FAM184A: variants seen among roughly 807,000 people sequenced by gnomAD.
FAM184A encodes family with sequence similarity 184 member A.
FAM184A carries 99 observed loss-of-function variants against 143.8 expected under a neutral mutation model. That is an observed-to-expected ratio of 0.69 (90% CI 0.58 to 0.81). The LOEUF (loss-of-function observed/expected upper bound fraction) is 0.81, where lower values mean the gene tolerates loss of function less well. Ranked by LOEUF, FAM184A falls within the 40% of genes least tolerant of loss-of-function variation. The probability of loss-of-function intolerance (pLI) is 0.00; values close to 1 mark genes in which losing one functional copy is unlikely to be tolerated. For missense variants in FAM184A, 1,217 were observed against 1,310.5 expected (o/e 0.93, Z 1.10); for synonymous variants, 427 against 446.4 (o/e 0.96, Z 0.55).
At chr6:119,008,488 GA>G (rs953315404) in intron 6 of FAM184A, among the ~76,000 whole-genome samples, 5 of 152,152 alleles carry the variant, frequency 3.3e-5, no homozygotes, top group African/African-American at 1.2e-4. Flanking sequence ...AAGAGAAAAA[GA>G]AAAGCTGGGT....
Position 119,003,093 on chromosome 6 carries a change from C to A in FAM184A, c.1938-44G>T, listed in dbSNP as rs772103427. 3.3e-6 allele frequency: 5 copies of A among 1,517,756 alleles called. No individual in the cohort carries two copies. In the African/African-American group the frequency reaches 5.6e-5, roughly 17 times the overall value. The allele number at this position is 1,517,756 out of a possible 1,614,324, so 94.0% of individuals were successfully genotyped here. ...ATTTACTTTGTAAAGAGAATTATTCCTTTCACTGACTGTAATAGAGTCTAC... is the reference window on the plus strand; with the variant it reads ...ATTTACTTTGTAAAGAGAATTATTCATTTCACTGACTGTAATAGAGTCTAC... On this transcript the variant is annotated intron_variant, in intron 8 of 17. Coordinates refer to ENST00000338891, the MANE Select transcript of FAM184A (RefSeq NM_024581.6).
intron 9 of FAM184A, among the ~76,000 whole-genome samples, chr6:118,997,368 G>A (rs7771525): frequency 0.13 from 19,400 of 149,886 alleles, 1,459 homozygotes; most frequent in Non-Finnish European, 0.17. Context: ...TACATTTCTT[G>A]CTAACATAAT....
At chr6:119,086,832 C>T (rs1392431648) in intron 1 of FAM184A, among the ~76,000 whole-genome samples, 2 of 152,122 alleles carry the variant, frequency 1.3e-5, no homozygotes, top group African/African-American at 4.8e-5. Flanking sequence ...AACAAGGAGA[C>T]TAGTTAGCAG....
intron 5 of FAM184A, among the ~76,000 whole-genome samples, chr6:119,015,887 CA>C (rs1450265724): frequency 6.6e-6 from 1 of 152,170 alleles, no homozygotes; most frequent in Non-Finnish European, 1.5e-5. Flanking sequence ...GTGAGTGCAC[CA>C]ATCGACACTC....
At chr6:119,147,790 A>G (rs911713530) in intron 1 of FAM184A, among the ~76,000 whole-genome samples, 2 of 152,190 alleles carry the variant, frequency 1.3e-5, no homozygotes, top group African/African-American at 4.8e-5. Flanking sequence ...AACCAGAGAA[A>G]GCCAAATCTG....
chr6:119,136,885 C>A (rs1454338751), intron 1 of FAM184A, among the ~76,000 whole-genome samples: 2 of 152,108 alleles, frequency 1.3e-5, no homozygotes, highest in African/African-American at 2.4e-5. Flanking sequence ...TGGGAGAAGT[C>A]TGGGATTGTC....
Position 119,024,033 on chromosome 6 carries a change from C to A in FAM184A, c.940G>T (p.Asp314Tyr), listed in dbSNP as rs1212922178. The change falls in exon 2 of 18, where the codon GAT (aspartate) becomes TAT (tyrosine). Residue 314 changes from aspartate to tyrosine, a missense_variant. Asp to Tyr is a radical substitution (Grantham distance 160). Coordinates refer to ENST00000338891, the MANE Select transcript of FAM184A (RefSeq NM_024581.6). ...KLKTELQMVQ[D>Y]EAGSLLDKCQ... ...TTGTCAAGAAGACTTCCAGCTTCAT[C>A]CTGTACCATCTGTAACTCTGTCTTT... 6.2e-7 allele frequency: 1 copy of A among 1,613,864 alleles called. No individual in the cohort carries two copies. Among genetic ancestry groups the A allele is most frequent in the Non-Finnish European group, 8.5e-7 (1 of 1,180,002 alleles).
chr6:118,991,548 G>C (rs1244937209), intron 9 of FAM184A, among the ~76,000 whole-genome samples: 1 of 152,044 alleles, frequency 6.6e-6, no homozygotes, highest in Non-Finnish European at 1.5e-5. Flanking sequence ...CTGGCAAGTG[G>C]ATCAGCTAGC....
At position 119,065,962 on chromosome 6, in the gene FAM184A, C is replaced by T. The variant is rs56195596; in HGVS notation, c.159+12179G>A. 3.2e-3 allele frequency among the ~76,000 whole-genome samples: 481 copies of T among 152,272 alleles called. 7 individuals are homozygous for T. Among genetic ancestry groups the T allele is most frequent in the African/African-American group, 0.011 (470 of 41,556 alleles). On this transcript the variant is annotated intron_variant, in intron 1 of 17. Coordinates refer to ENST00000338891, the MANE Select transcript of FAM184A (RefSeq NM_024581.6). ...AAGAATCAGGAGAAAGTTCTTTTCACGAATAAATGACCCCAGTATCTTTGC... is the reference window on the plus strand; with the variant it reads ...AAGAATCAGGAGAAAGTTCTTTTCATGAATAAATGACCCCAGTATCTTTGC...
chr6:119,092,360 C>A (rs1398606948), intron 1 of FAM184A, among the ~76,000 whole-genome samples: 1 of 152,156 alleles, frequency 6.6e-6, no homozygotes, highest in South Asian at 2.1e-4. Flanking sequence ...TGGTTTTGAA[C>A]TCTTGGGCTC....
intron 3 of FAM184A, among the ~76,000 whole-genome samples, chr6:119,021,240 T>C (rs1302146194): frequency 6.8e-6 from 1 of 148,048 alleles, no homozygotes; most frequent in Non-Finnish European, 1.5e-5. Context: ...TGAGATTCAC[T>C]GATAAGCCAA....
At chr6:118,970,404 A>G (rs577497217) in intron 14 of FAM184A, among the ~76,000 whole-genome samples, 1 of 152,270 alleles carries the variant, frequency 6.6e-6, no homozygotes, top group South Asian at 2.1e-4. Context: ...AGAATCTAAT[A>G]ACATTGTTTT....
chr6:119,071,786 C>G (rs1055057591), intron 1 of FAM184A, among the ~76,000 whole-genome samples: 2 of 151,462 alleles, frequency 1.3e-5, no homozygotes, highest in African/African-American at 2.4e-5. Context: ...CAAATGGCAC[C>G]GAGCCCTCAC....
At chr6:119,015,224 G>GCA (rs1785204335) in intron 5 of FAM184A, among the ~76,000 whole-genome samples, 1 of 152,178 alleles carries the variant, frequency 6.6e-6, no homozygotes, top group Non-Finnish European at 1.5e-5. Flanking sequence ...CACTCTGGTG[G>GCA]CACTTGAGGA....
In FAM184A at chr6:119,108,946, C is replaced by T. The variant is rs146718057; in HGVS notation, c.-202+40132G>A. 9.3e-3 allele frequency among the ~76,000 whole-genome samples: 1,423 copies of T among 152,292 alleles called. 29 individuals carry two copies. The highest frequency in any genetic ancestry group is 0.032 in the African/African-American group (1,319 of 41,536). On this transcript the variant is annotated intron_variant, in intron 1 of 16. Coordinates refer to the FAM184A transcript ENST00000352896. ...ACTCAATACTACAAACCTAAATCTA[C>T]TCCCCACTATTTTCCAAAACAAGTC...
chr6:119,095,534 G>A (rs1206910896), intron 1 of FAM184A, among the ~76,000 whole-genome samples: 3 of 152,062 alleles, frequency 2.0e-5, no homozygotes, highest in African/African-American at 7.2e-5. Flanking sequence ...ATATCTAGAT[G>A]AGAAATAATA....
At chr6:119,129,693 G>A (rs574826576) in intron 1 of FAM184A, among the ~76,000 whole-genome samples, 162 of 145,458 alleles carry the variant, frequency 1.1e-3, no homozygotes, top group African/African-American at 3.9e-3. Context: ...GGTGTTTTTT[G>A]GTTTCATTTT....
chr6:119,039,540 A>G (rs77667046), intron 1 of FAM184A, among the ~76,000 whole-genome samples: 2,487 of 152,380 alleles, frequency 0.016, 28 homozygotes, highest in South Asian at 0.028. Flanking sequence ...TACATATTGT[A>G]TGATCCCAAT....
At chr6:119,068,389 C>T (rs948084510) in intron 1 of FAM184A, among the ~76,000 whole-genome samples, 3 of 152,164 alleles carry the variant, frequency 2.0e-5, no homozygotes, top group African/African-American at 7.2e-5. Flanking sequence ...TCAGCAGAGG[C>T]TTAACCAAGT....
Sources: gnomAD v4.1 joint callset for allele counts (sites outside exome capture counted in the v4.1 genomes callset) on GRCh38, gnomAD v4.1.1 for gene constraint, MANE v1.5 for transcripts, NCBI Gene and HGNC (gene_info 2026-07-23, HGNC 2026-07-21) for gene names.